Variants in SLC44A5 observed in about 807,000 individuals in gnomAD.
SLC44A5 encodes solute carrier family 44 member 5, also known as choline transporter-like protein 5.
A neutral mutation model predicts 101.8 loss-of-function variants in SLC44A5; 57 were observed. The ratio of observed to expected loss-of-function variants is 0.56; its 90% confidence interval spans 0.45 to 0.70. The LOEUF is 0.70. Among genes scored for constraint, SLC44A5 ranks in the 30% least tolerant of loss-of-function variants. SLC44A5 has a pLI of 0.00. For synonymous variants in SLC44A5, 281 were observed against 290.9 expected, an observed-to-expected ratio of 0.97 and a Z score of 0.35; for missense variants, 737 against 853.1, an observed-to-expected ratio of 0.86 and a Z score of 1.70.
At chr1:75,284,198 G>A (rs553207559) in intron 5 of SLC44A5, among the ~76,000 whole-genome samples, 5 of 152,066 alleles carry the variant, frequency 3.3e-5, no homozygotes, top group Admixed American at 1.3e-4. Context: ...GTAGTTTTCT[G>A]TGTAGCGATG....
chr1:75,293,901 T>A (rs1238855626), intron 5 of SLC44A5, among the ~76,000 whole-genome samples: 2 of 152,186 alleles, frequency 1.3e-5, no homozygotes, highest in African/African-American at 4.8e-5. Flanking sequence ...CTTTTTAAAA[T>A]GAAGACTTCC....
the SLC44A5 span, among the ~76,000 whole-genome samples, chr1:75,673,429 TC>T: frequency 2.0e-5 from 3 of 151,814 alleles, no homozygotes; most frequent in Non-Finnish European, 4.4e-5. Context: ...TTTCAAAAGT[TC>T]CTGACTTCAG....
At chr1:75,340,302 T>C (rs1471141398) in intron 3 of SLC44A5, among the ~76,000 whole-genome samples, 1 of 152,176 alleles carries the variant, frequency 6.6e-6, no homozygotes, top group African/African-American at 2.4e-5. Flanking sequence ...TCCCTACATG[T>C]ACTGTGTGGG....
chr1:75,714,385 A>G, the SLC44A5 span, among the ~76,000 whole-genome samples: 2 of 152,198 alleles, frequency 1.3e-5, no homozygotes, highest in Non-Finnish European at 2.9e-5. Context: ...GCTCAAAACA[A>G]TAAGAGTCAT....
chr1:75,644,257 A>C, the SLC44A5 span, among the ~76,000 whole-genome samples: 3 of 152,314 alleles, frequency 2.0e-5, no homozygotes, highest in Admixed American at 6.5e-5. Context: ...TTGAAGCTAC[A>C]GTCAAGAGTT....
chr1:75,326,322 C>T (rs114158347), intron 4 of SLC44A5, among the ~76,000 whole-genome samples: 1,718 of 150,958 alleles, frequency 0.011, 31 homozygotes, highest in African/African-American at 0.04. Flanking sequence ...CTCATCTTGC[C>T]CACCTTTCAA....
intron 6 of SLC44A5, among the ~76,000 whole-genome samples, chr1:75,270,807 G>T (rs1467708891): frequency 6.6e-6 from 1 of 152,102 alleles, no homozygotes; most frequent in Non-Finnish European, 1.5e-5. Context: ...TAATGAACAT[G>T]TTTGTATTAA....
chr1:75,274,853 T>A, intron 6 of SLC44A5, 105 bp downstream of exon 6: 1 of 911,012 alleles, frequency 1.1e-6, no homozygotes, highest in South Asian at 1.6e-5. Context: ...GCTTCCTTTA[T>A]GAATTTAAAT....
At chr1:75,439,471 T>C (rs1665072184) in intron 2 of SLC44A5, among the ~76,000 whole-genome samples, 1 of 152,120 alleles carries the variant, frequency 6.6e-6, no homozygotes, top group African/African-American at 2.4e-5. Flanking sequence ...TAATCCAAGC[T>C]ACTCAGGAGG....
chr1:75,288,381 T>G (rs1216693920), intron 5 of SLC44A5, among the ~76,000 whole-genome samples: 3 of 152,194 alleles, frequency 2.0e-5, no homozygotes, highest in Admixed American at 2.0e-4. Flanking sequence ...AAAAACTTTA[T>G]GTTAAAATTC....
In SLC44A5 at chr1:75,297,634, A is replaced by G. The variant is rs548129104; in HGVS notation, c.175+2978T>C. Among the ~76,000 whole-genome samples the G allele has an allele frequency of 2.0e-5, 3 of 152,380 alleles. No homozygotes were observed. The East Asian group carries it at 5.8e-4, about 29-fold the overall frequency. On this transcript the variant is annotated intron_variant, in intron 5 of 23. Coordinates refer to ENST00000370859, the MANE Select transcript of SLC44A5 (RefSeq NM_001130058.2). ...TTAAAATTGTGCTATTATATTGTAT[A>G]CTTAATGATAGCAATAAGTATAGGA...
intron 2 of SLC44A5, among the ~76,000 whole-genome samples, chr1:75,530,509 T>C (rs1014321267): frequency 1.8e-4 from 28 of 152,348 alleles, no homozygotes; most frequent in African/African-American, 6.7e-4. Flanking sequence ...GTAGAAAAGC[T>C]ATTTGGACTG....
intron 4 of SLC44A5, among the ~76,000 whole-genome samples, chr1:75,314,958 G>C (rs139794264): frequency 6.6e-6 from 1 of 151,946 alleles, no homozygotes; most frequent in South Asian, 2.1e-4. Flanking sequence ...CTCTTATCTG[G>C]GCTTGAGCCT....
intron 2 of SLC44A5, among the ~76,000 whole-genome samples, chr1:75,530,004 T>C (rs1369770047): frequency 6.6e-6 from 1 of 152,156 alleles, no homozygotes; most frequent in Admixed American, 6.5e-5. Context: ...AAACTTCCTT[T>C]AAAAATTATG....
At chr1:75,332,298 A>G (rs1192178827) in intron 4 of SLC44A5, among the ~76,000 whole-genome samples, 1 of 152,190 alleles carries the variant, frequency 6.6e-6, no homozygotes, top group Non-Finnish European at 1.5e-5. Context: ...TTTCAATATC[A>G]GCTACTGTAT....
intron 2 of SLC44A5, among the ~76,000 whole-genome samples, chr1:75,525,008 G>C (rs1670336014): frequency 6.6e-6 from 1 of 152,056 alleles, no homozygotes; most frequent in Non-Finnish European, 1.5e-5. Flanking sequence ...CCCAGTTGAT[G>C]AGGCAAAGTT....
intron 2 of SLC44A5, among the ~76,000 whole-genome samples, chr1:75,472,179 G>A (rs1282774225): frequency 2.0e-5 from 3 of 151,732 alleles, no homozygotes; most frequent in Admixed American, 6.6e-5. Context: ...AGAAAAATAT[G>A]AGAATAAAAA....
chr1:75,481,234 G>A (rs1015440175), intron 2 of SLC44A5, among the ~76,000 whole-genome samples: 3 of 152,066 alleles, frequency 2.0e-5, no homozygotes, highest in African/African-American at 7.2e-5. Context: ...CCTTCCTTAT[G>A]CCTTATACAA....
chr1:75,470,550 T>A (rs556824106), intron 2 of SLC44A5, among the ~76,000 whole-genome samples: 1 of 152,174 alleles, frequency 6.6e-6, no homozygotes, highest in Non-Finnish European at 1.5e-5. Context: ...AGGGAAGGTA[T>A]AATGGAAGCA....
Sources: gnomAD v4.1 joint callset for allele counts (sites outside exome capture counted in the v4.1 genomes callset) on GRCh38, gnomAD v4.1.1 for gene constraint, MANE v1.5 for transcripts, NCBI Gene and HGNC (gene_info 2026-07-23, HGNC 2026-07-21) for gene names.